PUM1: variants seen among roughly 807,000 people sequenced by gnomAD.
PUM1 encodes pumilio homolog 1.
PUM1 carries 13 observed loss-of-function variants against 131.8 expected under a neutral mutation model. That is an observed-to-expected ratio of 0.10 (90% CI 0.06 to 0.16). PUM1 has a LOEUF of 0.16. Ranked by LOEUF, PUM1 falls within the 10% of genes least tolerant of loss-of-function variation. PUM1 has a pLI of 1.00. For missense variants in PUM1, 961 were observed against 1,512.4 expected (o/e 0.64, Z 6.05); for synonymous variants, 509 against 556.5 (o/e 0.91, Z 1.20).
intron 2 of PUM1, among the ~76,000 whole-genome samples, chr1:31,054,683 T>C (rs1644197833): frequency 1.3e-5 from 2 of 152,162 alleles, no homozygotes; most frequent in South Asian, 4.1e-4. Flanking sequence ...AAAACAGAAC[T>C]GAAGAAAAAT....
rs1644322282 is a variant in PUM1, at chr1:31,059,554, A to G, written c.13T>C (p.Cys5Arg). The G allele has an allele frequency of 6.2e-7, 1 of 1,610,742 alleles. No individual in the cohort carries two copies. Among genetic ancestry groups the G allele is most frequent in the South Asian group, 1.1e-5 (1 of 90,692 alleles). The change falls in exon 2 of 22, where the codon TGT (cysteine) becomes CGT (arginine). Residue 5 changes from cysteine (C) to arginine (R), a missense_variant. Cys to Arg is a radical substitution (Grantham distance 180). Coordinates refer to ENST00000426105, the MANE Select transcript of PUM1 (RefSeq NM_001020658.2). MSVA[C>R]VLKRKAVLWQ... ...AGCACTGCTTTTCTCTTCAAGACACATGCAACGCTCATTCCACCAACACCT... is the reference window on the plus strand; with the variant it reads ...AGCACTGCTTTTCTCTTCAAGACACGTGCAACGCTCATTCCACCAACACCT...
At chr1:31,040,094 T>A (rs10914254) in intron 2 of PUM1, among the ~76,000 whole-genome samples, 43,495 of 152,018 alleles carry the variant, frequency 0.29, 7,871 homozygotes, top group East Asian at 0.56. Flanking sequence ...CTCTTTTTTT[T>A]AAAAAATAGA....
intron 1 of PUM1, among the ~76,000 whole-genome samples, chr1:31,064,579 G>A (rs979381668): frequency 6.6e-6 from 1 of 152,038 alleles, no homozygotes; most frequent in African/African-American, 2.4e-5. Flanking sequence ...ACAGAACCCA[G>A]GAAAAGCTTC....
At chr1:31,046,965 G>A (rs891098369) in intron 2 of PUM1, among the ~76,000 whole-genome samples, 1 of 151,996 alleles carries the variant, frequency 6.6e-6, no homozygotes, top group Admixed American at 6.6e-5. Flanking sequence ...GCCAAGGCGG[G>A]TGGATCATAA....
chr1:31,036,546 T>C (rs1180396145), intron 2 of PUM1, among the ~76,000 whole-genome samples: 5 of 152,108 alleles, frequency 3.3e-5, no homozygotes, highest in Non-Finnish European at 7.4e-5. Context: ...CAGACTCTCA[T>C]CTCTACAAAA....
intron 7 of PUM1, among the ~76,000 whole-genome samples, chr1:30,986,874 C>G (rs1285390782): frequency 2.0e-5 from 3 of 152,168 alleles, no homozygotes; most frequent in Admixed American, 6.5e-5. Context: ...TATATACACA[C>G]TTGGCCTCAC....
chr1:31,005,763 A>G (rs1322177275), intron 5 of PUM1, 90 bp downstream of exon 5: 1 of 1,272,836 alleles, frequency 7.9e-7, no homozygotes, highest in African/African-American at 1.5e-5. Context: ...AGGAAACTAA[A>G]CAGGCATGTT....
intron 2 of PUM1, among the ~76,000 whole-genome samples, chr1:31,033,359 C>T (rs1390599637): frequency 2.7e-5 from 4 of 149,192 alleles, no homozygotes; most frequent in African/African-American, 9.8e-5. Flanking sequence ...TATGTGCCAC[C>T]ACATCCAGCT....
intron 3 of PUM1, among the ~76,000 whole-genome samples, chr1:31,018,185 G>A (rs760229518): frequency 2.0e-5 from 3 of 151,642 alleles, no homozygotes; most frequent in Non-Finnish European, 4.4e-5. Flanking sequence ...TCTCATCTCT[G>A]CTAAAATACA....
At chr1:30,954,063 A>G (rs1640052151) in intron 14 of PUM1, 82 bp from the exon 15 acceptor site, 1 of 1,377,160 alleles carries the variant, frequency 7.3e-7, no homozygotes, top group Non-Finnish European at 1.0e-6. Context: ...CCACACCCGA[A>G]AGCCTGCACC....
chr1:30,980,896 T>G (rs868254516), intron 8 of PUM1, among the ~76,000 whole-genome samples: 4 of 152,216 alleles, frequency 2.6e-5, no homozygotes, highest in Non-Finnish European at 5.9e-5. Context: ...GAGAATACTT[T>G]TAAATTTTTT....
intron 9 of PUM1, 152 bp from the exon 10 acceptor site, chr1:30,974,954 A>C (rs1020615839): frequency 1.6e-5 from 9 of 558,382 alleles, no homozygotes; most frequent in Admixed American, 1.5e-4. Flanking sequence ...AACTCTTTTT[A>C]AAGAATAGTA....
Position 30,951,414 on chromosome 1 carries a change from G to C in PUM1, c.2721+820C>G, listed in dbSNP as rs920506641. On this transcript the variant is annotated intron_variant, in intron 16 of 21. Transcript: ENST00000426105. Reference sequence around the variant, plus strand: ...GAAAAAACTTGGGAAGGTAAAACTTGAGTACGTCAGTTTTTCATCTTCATA... The same window carrying C: ...GAAAAAACTTGGGAAGGTAAAACTTCAGTACGTCAGTTTTTCATCTTCATA... 2.0e-5 allele frequency among the ~76,000 whole-genome samples: 3 copies of C among 152,312 alleles called. No homozygotes were observed. In the East Asian group the frequency reaches 5.8e-4, roughly 29 times the overall value.
At chr1:30,949,032 C>A (rs1639812487) in intron 17 of PUM1, 1 of 457,586 alleles carries the variant, frequency 2.2e-6, no homozygotes, top group African/African-American at 2.0e-5. Flanking sequence ...AAACTTTGGA[C>A]TTCTTCAGCC....
chr1:31,053,404 G>A (rs12066225), intron 2 of PUM1, among the ~76,000 whole-genome samples: 105,079 of 150,290 alleles, frequency 0.7, 38,313 homozygotes, highest in African/African-American at 0.9. Flanking sequence ...GAAGACCTCA[G>A]TTTGGCCCAA....
At chr1:30,955,090 CA>C (rs112549725) in intron 14 of PUM1, among the ~76,000 whole-genome samples, 36 of 147,340 alleles carry the variant, frequency 2.4e-4, no homozygotes, top group Admixed American at 9.5e-4. Flanking sequence ...AACAAACAAA[CA>C]AAAAAAAACA....
At chr1:30,938,792 G>A (rs1344965131) in intron 20 of PUM1, among the ~76,000 whole-genome samples, 1 of 152,126 alleles carries the variant, frequency 6.6e-6, no homozygotes, top group Non-Finnish European at 1.5e-5. Flanking sequence ...GTGAACCCAG[G>A]AGGCAGAGCT....
At chr1:30,962,087 CAA>C (rs1417626803) in intron 14 of PUM1, among the ~76,000 whole-genome samples, 2 of 152,154 alleles carry the variant, frequency 1.3e-5, no homozygotes, top group Admixed American at 6.5e-5. Context: ...TGTACTGAGA[CAA>C]AGAGTTCCTC....
intron 2 of PUM1, among the ~76,000 whole-genome samples, chr1:31,053,665 G>C (rs563261881): frequency 6.6e-6 from 1 of 151,274 alleles, no homozygotes. Flanking sequence ...GTAGAGACAT[G>C]ATCTCACCAT....
Sources: allele counts gnomAD v4.1 joint callset (sites outside exome capture counted in the v4.1 genomes callset), GRCh38; gene constraint gnomAD v4.1.1; transcripts MANE v1.5; gene names NCBI Gene and HGNC (gene_info 2026-07-23, HGNC 2026-07-21).